The following FHIP1A variants were observed in gnomAD, a reference collection of about 807,000 sequenced individuals.
The protein encoded by FHIP1A is FHF complex subunit HOOK interacting protein 1A.
A neutral mutation model predicts 88.6 loss-of-function variants in FHIP1A; 61 were observed. The ratio of observed to expected loss-of-function variants is 0.69; its 90% CI spans 0.56 to 0.85. The LOEUF is 0.85. Ranked by LOEUF, FHIP1A falls within the 40% of genes least tolerant of loss-of-function variation. The pLI is 0.00. For synonymous variants in FHIP1A, 478 were observed against 496.0 expected (o/e 0.96, Z 0.48); for missense variants, 1,154 against 1,273.5 (o/e 0.91, Z 1.43).
chr4:151,469,116 G>A (rs894968281), intron 2 of FHIP1A, among the ~76,000 whole-genome samples: 1 of 152,216 alleles, frequency 6.6e-6, no homozygotes, highest in African/African-American at 2.4e-5. Flanking sequence ...CAAAAAAGCT[G>A]ATTTACCATT....
chr4:151,455,168 A>G (rs1408861109), intron 2 of FHIP1A, among the ~76,000 whole-genome samples: 1 of 152,216 alleles, frequency 6.6e-6, no homozygotes, highest in Admixed American at 6.5e-5. Flanking sequence ...AATTTTACAC[A>G]CACAACTTAT....
chr4:151,467,334 G>A (rs1729353840), intron 2 of FHIP1A, among the ~76,000 whole-genome samples: 1 of 152,220 alleles, frequency 6.6e-6, no homozygotes. Flanking sequence ...ACAGTTGCTG[G>A]TGAGGCTGTG....
chr4:151,637,384 A>G (rs939294716), intron 8 of FHIP1A, among the ~76,000 whole-genome samples: 9 of 152,158 alleles, frequency 5.9e-5, no homozygotes, highest in Non-Finnish European at 1.3e-4. Flanking sequence ...CAATTCACAG[A>G]ATGGTAGGAA....
chr4:151,518,103 A>C (rs764499326), intron 3 of FHIP1A, among the ~76,000 whole-genome samples: 5 of 152,218 alleles, frequency 3.3e-5, no homozygotes, highest in African/African-American at 4.8e-5. Context: ...ACTCACTGAC[A>C]CACCCAGAGC....
At chr4:151,459,515 G>C (rs1199313904) in intron 2 of FHIP1A, among the ~76,000 whole-genome samples, 1 of 152,138 alleles carries the variant, frequency 6.6e-6, no homozygotes, top group East Asian at 1.9e-4. Context: ...TGTTTTCCAA[G>C]TTGGAAGTAA....
At chr4:151,529,884 C>T (rs181163952) in intron 3 of FHIP1A, among the ~76,000 whole-genome samples, 4 of 152,244 alleles carry the variant, frequency 2.6e-5, no homozygotes, top group Admixed American at 2.0e-4. Flanking sequence ...GCATGTTTTT[C>T]AATTTTGAGT....
At position 151,553,467 on chromosome 4, in the gene FHIP1A, G is replaced by T. The variant is rs115535443; in HGVS notation, c.-122-12671G>T. 2.3e-3 allele frequency among the ~76,000 whole-genome samples: 348 copies of T among 152,260 alleles called. 1 individual carries two copies. Among genetic ancestry groups the T allele is most frequent in the African/African-American group, 7.5e-3 (313 of 41,544 alleles). On this transcript the variant is annotated intron_variant, in intron 3 of 13. Transcript: ENST00000435205. The stretch of plus-strand genomic sequence containing the variant: ...GTTAATGTATCCTTTCCTTTAGAAT[G>T]AAGTAATTAATTGAGATACTTTAAG...
Position 151,646,673 on chromosome 4 carries a change from A to G in FHIP1A, c.1342A>G (p.Ser448Gly), listed in dbSNP as rs1198446042. The part of the protein sequence containing the change: ...LLALTPVCCS[S>G]GITLTLGNQE... ...CGCCTTGACTCCTGTCTGCTGCTCC[A>G]GCGGGATCACTCTGACGCTGGGGAA... The change falls in exon 10 of 14, where the codon AGC becomes GGC. Residue 448 changes from serine to glycine, a missense_variant. Physicochemically the swap from Ser to Gly is moderately conservative, Grantham distance 56 (BLOSUM62 0). Coordinates refer to ENST00000435205, the MANE Select transcript of FHIP1A (RefSeq NM_001109977.3). 1 of 1,551,648 alleles carries G rather than the reference A, an allele frequency of 6.4e-7. No homozygotes were observed.
At position 151,577,467 on chromosome 4, in the gene FHIP1A, G is replaced by A; in HGVS notation, c.123G>A (p.Glu41=). 2 of 1,533,258 alleles carry A rather than the reference G, an allele frequency of 1.3e-6. No homozygotes were observed. Among genetic ancestry groups the A allele is most frequent in the Non-Finnish European group, 1.8e-6 (2 of 1,135,706 alleles). The allele number at this position is 1,533,258 out of a possible 1,614,324, so 95.0% of individuals were successfully genotyped here. The change falls in exon 5 of 14, where the codon GAG becomes GAA. Residue 41 remains glutamate, a synonymous_variant. Coordinates refer to ENST00000435205, the MANE Select transcript of FHIP1A (RefSeq NM_001109977.3). ...NHWAQVVKIL[E]KHDPLKNTQA... ...GGTTACAGGTTGTGAAAATCTTGGA[G>A]AAGCACGACCCCTTGAAGAACACCC...
chr4:151,428,211 G>C (rs1733458804), intron 1 of FHIP1A, among the ~76,000 whole-genome samples: 1 of 152,070 alleles, frequency 6.6e-6, no homozygotes, highest in Non-Finnish European at 1.5e-5. Flanking sequence ...GATACATCTT[G>C]AGTTTCATTT....
At position 151,666,124 on chromosome 4, in the gene FHIP1A, A is replaced by G. The variant is rs751065934; in HGVS notation, c.*3370A>G. Among the ~76,000 whole-genome samples the G allele has an allele frequency of 1.3e-5, 2 of 152,230 alleles. No individual in the cohort carries two copies. The highest frequency in any genetic ancestry group is 2.4e-5 in the African/African-American group (1 of 41,454). On this transcript the variant is annotated 3_prime_UTR_variant, in exon 14 of 14. Coordinates refer to ENST00000435205, the MANE Select transcript of FHIP1A (RefSeq NM_001109977.3). ...GAGAGCACTGGGATATTTAAAATTG[A>G]TTTTTTGGAAATGGCCAAGTAAATG... is the stretch of plus-strand genomic sequence containing the variant.
At chr4:151,611,607 T>C (rs1450206351) in intron 7 of FHIP1A, among the ~76,000 whole-genome samples, 1 of 152,236 alleles carries the variant, frequency 6.6e-6, no homozygotes, top group Non-Finnish European at 1.5e-5. Flanking sequence ...GCATGTGTAA[T>C]ATTTATATTT....
chr4:151,448,539 C>G (rs975133370), intron 1 of FHIP1A, among the ~76,000 whole-genome samples: 2 of 152,170 alleles, frequency 1.3e-5, no homozygotes, highest in Non-Finnish European at 2.9e-5. Context: ...CTAGGTACCT[C>G]TAGACTAGAA....
intron 1 of FHIP1A, among the ~76,000 whole-genome samples, chr4:151,421,007 T>A (rs1386256221): frequency 1.3e-5 from 2 of 152,198 alleles, no homozygotes; most frequent in East Asian, 3.9e-4. Flanking sequence ...AGAAAAAAAA[T>A]TGAGTCGCAT....
intron 7 of FHIP1A, among the ~76,000 whole-genome samples, chr4:151,617,290 T>C (rs1336464004): frequency 1.3e-5 from 2 of 151,800 alleles, no homozygotes; most frequent in Non-Finnish European, 2.9e-5. Flanking sequence ...TTCTAGCGAA[T>C]TTGGAAGTAG....
intron 1 of FHIP1A, among the ~76,000 whole-genome samples, chr4:151,425,859 A>G (rs1733351027): frequency 6.6e-6 from 1 of 152,122 alleles, no homozygotes; most frequent in African/African-American, 2.4e-5. Flanking sequence ...TTGCTCTTAT[A>G]AGGATACATG....
intron 3 of FHIP1A, among the ~76,000 whole-genome samples, chr4:151,563,761 G>A (rs1397213920): frequency 6.6e-6 from 1 of 152,030 alleles, no homozygotes; most frequent in African/African-American, 2.4e-5. Context: ...AAGCCAAAAC[G>A]GGAGGATTGC....
chr4:151,628,174 G>C (rs943947078), intron 7 of FHIP1A, among the ~76,000 whole-genome samples: 5 of 152,180 alleles, frequency 3.3e-5, no homozygotes, highest in Middle Eastern at 6.8e-3. Flanking sequence ...TTGCATTGTT[G>C]GCACCGAGCT....
At chr4:151,615,229 G>T (rs1735477021) in intron 7 of FHIP1A, among the ~76,000 whole-genome samples, 8 of 71,080 alleles carry the variant, frequency 1.1e-4, no homozygotes, top group Admixed American at 1.0e-3. Flanking sequence ...AGAGGGCAGG[G>T]GACAAAAATG....
Sources: allele counts gnomAD v4.1 joint callset (sites outside exome capture counted in the v4.1 genomes callset), GRCh38; gene constraint gnomAD v4.1.1; transcripts MANE v1.5; gene names NCBI Gene and HGNC (gene_info 2026-07-23, HGNC 2026-07-21).